Variants in SCAMP2 observed in about 807,000 individuals in gnomAD.
SCAMP2 encodes the protein secretory carrier membrane protein 2.
SCAMP2 carries 25 observed loss-of-function variants against 44.1 expected under a neutral mutation model. That is an observed-to-expected ratio of 0.57 (90% CI 0.41 to 0.79). The LOEUF is 0.79. Among genes scored for constraint, SCAMP2 ranks in the 30% least tolerant of loss-of-function variants. SCAMP2 has a pLI of 0.00. For missense variants in SCAMP2, 355 were observed against 411.0 expected (o/e 0.86, Z 1.18); for synonymous variants, 156 against 166.0 (o/e 0.94, Z 0.46).
rs1346335821 is a variant in SCAMP2, at chr15:74,863,424, C to A, written c.58-8775G>T. Among the ~76,000 whole-genome samples, 5 of 151,166 alleles carry A rather than the reference C, an allele frequency of 3.3e-5. No individual in the cohort carries two copies. In the South Asian group the frequency reaches 6.3e-4, roughly 19 times the overall value. On this transcript the variant is annotated intron_variant, in intron 1 of 8. Coordinates refer to ENST00000268099, the MANE Select transcript of SCAMP2 (RefSeq NM_005697.5). The stretch of plus-strand genomic sequence containing the variant: ...TACACTGGAGGCTGAGGCAGGAGAA[C>A]TGCCTGAGCCCAGGAGGTCGAGGCT...
chr15:74,853,272 C>T, intron 3 of SCAMP2: 2 of 381,708 alleles, frequency 5.2e-6, no homozygotes, highest in Middle Eastern at 4.1e-4. Flanking sequence ...GCATGTAAGG[C>T]CTGCCTCACC....
chr15:74,859,678 G>A (rs2064490376), intron 1 of SCAMP2, among the ~76,000 whole-genome samples: 2 of 150,328 alleles, frequency 1.3e-5, no homozygotes, highest in East Asian at 2.0e-4. Flanking sequence ...GTGCAGTGGC[G>A]CAATCTCTGC....
At chr15:74,861,709 T>A (rs1219007941) in intron 1 of SCAMP2, among the ~76,000 whole-genome samples, 3 of 151,650 alleles carry the variant, frequency 2.0e-5, no homozygotes, top group Admixed American at 2.0e-4. Context: ...CCATCCTGGC[T>A]AACACGGTGA....
chr15:74,857,250 T>C (rs1406335966), intron 1 of SCAMP2, among the ~76,000 whole-genome samples: 2 of 152,208 alleles, frequency 1.3e-5, no homozygotes, highest in Non-Finnish European at 2.9e-5. Context: ...ATGTTCTTCC[T>C]GCTGAACACC....
At chr15:74,854,366 A>AG (rs1198047780) in intron 2 of SCAMP2, among the ~76,000 whole-genome samples, 1 of 152,118 alleles carries the variant, frequency 6.6e-6, no homozygotes, top group East Asian at 1.9e-4. Flanking sequence ...CTCCTTGGGG[A>AG]GGGGCCCCGG....
At chr15:74,864,268 A>T (rs979904697) in intron 1 of SCAMP2, among the ~76,000 whole-genome samples, 37 of 152,236 alleles carry the variant, frequency 2.4e-4, no homozygotes, top group South Asian at 1.7e-3. Context: ...TCACCGTGTT[A>T]GCCAGGATGG....
chr15:74,863,619 G>A (rs927151362), intron 1 of SCAMP2, among the ~76,000 whole-genome samples: 8 of 152,034 alleles, frequency 5.3e-5, no homozygotes, highest in Admixed American at 3.3e-4. Flanking sequence ...TCACCTGGCC[G>A]GGCATTCAAG....
chr15:74,872,697 C>A (rs548702637), intron 1 of SCAMP2, among the ~76,000 whole-genome samples: 1 of 152,306 alleles, frequency 6.6e-6, no homozygotes, highest in African/African-American at 2.4e-5. Flanking sequence ...AGGGGCTCTC[C>A]TGTACTTTAT....
chr15:74,864,608 G>C (rs1280908284), intron 1 of SCAMP2, among the ~76,000 whole-genome samples: 1 of 152,156 alleles, frequency 6.6e-6, no homozygotes, highest in African/African-American at 2.4e-5. Flanking sequence ...ACAGCGGGAA[G>C]ACTGGCTAGG....
At position 74,850,540 on chromosome 15, in the gene SCAMP2, C is replaced by T; in HGVS notation, c.606G>A (p.Trp202Ter). 1 of 1,614,078 alleles carries T rather than the reference C, an allele frequency of 6.2e-7. No individual in the cohort carries two copies. Among genetic ancestry groups the T allele is most frequent in the Non-Finnish European group, 8.5e-7 (1 of 1,179,972 alleles). Residue 202 changes from tryptophan to a stop codon, truncating the protein, a stop_gained, in exon 6 of 9, where the codon TGG becomes TGA. Transcript: ENST00000268099. LOFTEE classifies it high-confidence loss of function. ...LIFTPCAFLC[W>*]YRPIYKAFRS... is the part of the protein sequence containing the mutation. Reference sequence around the variant, plus strand: ...TAAAGGCCTTATAGATGGGTCGGTACCAACAAAGGAAGGCACAGGGAGTGA... The same window carrying T: ...TAAAGGCCTTATAGATGGGTCGGTATCAACAAAGGAAGGCACAGGGAGTGA...
chr15:74,872,531 C>T (rs1357013771), intron 1 of SCAMP2, among the ~76,000 whole-genome samples: 2 of 152,198 alleles, frequency 1.3e-5, no homozygotes, highest in African/African-American at 4.8e-5. Context: ...CACAGTCCCC[C>T]GCACCTCTCC....
chr15:74,849,844 CAG>C (rs10562465), intron 6 of SCAMP2, among the ~76,000 whole-genome samples: 87,358 of 151,790 alleles, frequency 0.58, 27,108 homozygotes, highest in Middle Eastern at 0.71. Context: ...ATTTGGGAAA[CAG>C]GGGACACCAG....
In SCAMP2 at chr15:74,845,122, A is replaced by T; in HGVS notation, c.951T>A (p.Ala317=). 1 of 1,614,084 alleles carries T rather than the reference A, an allele frequency of 6.2e-7. No homozygotes were observed. The highest frequency in any genetic ancestry group is 2.2e-5 in the East Asian group (1 of 44,884). The part of the protein sequence containing the change: ...GIFSSRTFHR[A]ASSAAQGAFQ... ...AGGCTCCTTGGGCAGCAGATGAAGC[A>T]GCTCTGTGGAAGGTTCTGCTGCTGA... Residue 317 remains alanine (A), a synonymous_variant, in exon 9 of 9, where the codon GCT becomes GCA. Coordinates refer to ENST00000268099, the MANE Select transcript of SCAMP2 (RefSeq NM_005697.5).
intron 1 of SCAMP2, among the ~76,000 whole-genome samples, chr15:74,869,404 T>G (rs1337233283): frequency 6.6e-6 from 1 of 152,228 alleles, no homozygotes; most frequent in African/African-American, 2.4e-5. Context: ...AAAATGTAGC[T>G]TAGCTAATAC....
intron 8 of SCAMP2, 42 bp downstream of exon 8, chr15:74,845,431 T>C: frequency 6.2e-7 from 1 of 1,613,776 alleles, no homozygotes; most frequent in Non-Finnish European, 8.5e-7. Context: ...AACGGTTGCC[T>C]GCCTCCTCCC....
At chr15:74,861,793 C>G (rs1596420627) in intron 1 of SCAMP2, among the ~76,000 whole-genome samples, 1 of 148,060 alleles carries the variant, frequency 6.8e-6, no homozygotes, top group African/African-American at 2.5e-5. Context: ...CCCAGCTACT[C>G]TGGAGGCTGA....
intron 6 of SCAMP2, 101 bp from the exon 7 acceptor site, chr15:74,848,802 G>T (rs2064415749): frequency 1.0e-5 from 8 of 790,256 alleles, no homozygotes; most frequent in Non-Finnish European, 1.7e-5. Flanking sequence ...CCAGGAGGCA[G>T]CATGGGCAAG....
chr15:74,852,262 G>T (rs2064440801), intron 3 of SCAMP2, 76 bp from the exon 4 acceptor site: 8 of 1,082,068 alleles, frequency 7.4e-6, no homozygotes, highest in Admixed American at 6.2e-5. Context: ...TAGGCAGGCA[G>T]AGAGGCCTTG....
Position 74,857,939 on chromosome 15 carries a change from A to T in SCAMP2, c.58-3290T>A, listed in dbSNP as rs975617945. Among the ~76,000 whole-genome samples, 8 of 152,334 alleles carry T rather than the reference A, an allele frequency of 5.3e-5. 1 individual carries two copies. In the South Asian group the frequency reaches 1.7e-3, roughly 32 times the overall value. ...GCTGTAGGGCCTCCCTCTTTTTAGA[A>T]AGCACTGCCCAAGTGCCAGGGCATA... On this transcript the variant is annotated intron_variant, in intron 1 of 8. Coordinates refer to ENST00000268099, the MANE Select transcript of SCAMP2 (RefSeq NM_005697.5).
Sources: gnomAD v4.1 joint callset for allele counts (sites outside exome capture counted in the v4.1 genomes callset) on GRCh38, gnomAD v4.1.1 for gene constraint, MANE v1.5 for transcripts, NCBI Gene and HGNC (gene_info 2026-07-23, HGNC 2026-07-21) for gene names.